Variants in ADD3 observed in about 807,000 individuals in gnomAD.
The protein encoded by ADD3 is adducin 3.
A neutral mutation model predicts 80.2 loss-of-function variants in ADD3; 25 were observed. The observed-to-expected ratio is 0.31, with a 90% confidence interval of 0.23 to 0.44. The LOEUF is 0.44. Among genes scored for constraint, ADD3 ranks in the 20% least tolerant of loss-of-function variants. The pLI, the probability that ADD3 is intolerant of heterozygous loss-of-function variation, is 1.00. For synonymous variants in ADD3, 284 were observed against 289.6 expected, an observed-to-expected ratio of 0.98 and a Z score of 0.20; for missense variants, 829 against 847.5, an observed-to-expected ratio of 0.98 and a Z score of 0.27.
At chr10:110,085,077 C>A (rs79737814) in intron 1 of ADD3, among the ~76,000 whole-genome samples, 2,233 of 152,114 alleles carry the variant, frequency 0.015, 50 homozygotes, top group African/African-American at 0.049. Context: ...TTAATTCCCC[C>A]CCATTTTTTG....
chr10:110,023,775 T>G (rs1219398049), intron 1 of ADD3, among the ~76,000 whole-genome samples: 1 of 152,240 alleles, frequency 6.6e-6, no homozygotes, highest in Non-Finnish European at 1.5e-5. Context: ...ATTTATGAAT[T>G]TGGAAGTGGT....
At chr10:110,132,709 C>G (rs1434791503) in intron 14 of ADD3, 1 of 253,222 alleles carries the variant, frequency 3.9e-6, no homozygotes, top group African/African-American at 2.3e-5. Flanking sequence ...AGGTGGATCA[C>G]GAGGTCAGGA....
chr10:110,083,582 T>A (rs1473255271), intron 1 of ADD3, among the ~76,000 whole-genome samples: 4 of 152,146 alleles, frequency 2.6e-5, no homozygotes, highest in Non-Finnish European at 5.9e-5. Flanking sequence ...GGCTTTTTTT[T>A]AGGAAGAGTC....
chr10:110,035,655 G>A (rs956819895), intron 1 of ADD3, among the ~76,000 whole-genome samples: 2 of 152,166 alleles, frequency 1.3e-5, no homozygotes, highest in African/African-American at 4.8e-5. Flanking sequence ...TGCATTGGAA[G>A]CACCTGGAGG....
At chr10:110,121,534 A>T (rs1369554445) in intron 8 of ADD3, among the ~76,000 whole-genome samples, 2 of 152,180 alleles carry the variant, frequency 1.3e-5, no homozygotes, top group Non-Finnish European at 2.9e-5. Context: ...AAATGGTAAT[A>T]ATCTTAATTT....
At chr10:110,051,895 T>C (rs570147718) in intron 1 of ADD3, among the ~76,000 whole-genome samples, 3 of 152,310 alleles carry the variant, frequency 2.0e-5, no homozygotes, top group Admixed American at 6.5e-5. Context: ...CTCAACCTCC[T>C]GGGTTCAAGC....
chr10:110,125,427 T>A (rs933782034), intron 10 of ADD3, among the ~76,000 whole-genome samples: 4 of 136,486 alleles, frequency 2.9e-5, no homozygotes, highest in African/African-American at 1.4e-4. Context: ...AGATATTTCT[T>A]AAGTTTTTTT....
chr10:110,111,788 C>G (rs1423493195), intron 2 of ADD3, among the ~76,000 whole-genome samples: 1 of 152,040 alleles, frequency 6.6e-6, no homozygotes, highest in Non-Finnish European at 1.5e-5. Flanking sequence ...TGGCGCATGC[C>G]TGTAATCCCA....
intron 1 of ADD3, among the ~76,000 whole-genome samples, chr10:110,021,465 T>G (rs1038490270): frequency 1.3e-5 from 2 of 152,216 alleles, no homozygotes; most frequent in Non-Finnish European, 2.9e-5. Flanking sequence ...AAACAACCCA[T>G]ATGCCTATCA....
chr10:110,124,062 A>C lies in ADD3; in HGVS notation c.1189A>C (p.Lys397Gln). The change falls in exon 10 of 15, where the codon AAG (lysine) becomes CAG (glutamine). Residue 397 changes from lysine to glutamine, a missense_variant. Physicochemically the swap from Lys to Gln is moderately conservative, Grantham distance 53. Coordinates refer to ENST00000356080, the MANE Select transcript of ADD3 (RefSeq NM_016824.5). Reference sequence around the variant, plus strand: ...TTACAGGCATCCTCTCATTCGAGAGAAGCCTAGGCACAAGAGTGATGTGGA... The same window carrying C: ...TTACAGGCATCCTCTCATTCGAGAGCAGCCTAGGCACAAGAGTGATGTGGA... ...YAYRHPLIRE[K>Q]PRHKSDVEIP... is the part of the protein sequence containing the mutation. 6 of 1,614,170 alleles carry C rather than the reference A, an allele frequency of 3.7e-6. No homozygotes were observed. Among genetic ancestry groups the C allele is most frequent in the Non-Finnish European group, 5.1e-6 (6 of 1,179,996 alleles).
rs1446700995 is a variant in ADD3 at position 110,130,835 on chromosome 10, G to A, written c.1732+349G>A. On this transcript the variant is annotated intron_variant, in intron 13 of 14. Transcript: ENST00000356080. ...CGCACCACTGCACTGCAGCCTGGGC[G>A]ACAGAGAGAGACTCCGTCTCAAAAA... Among the ~76,000 whole-genome samples the A allele has an allele frequency of 2.0e-5, 3 of 148,110 alleles. No homozygotes were observed. The Admixed American group carries it at 2.0e-4, about 10-fold the overall frequency.
chr10:110,081,607 C>CT (rs751762516), intron 1 of ADD3, among the ~76,000 whole-genome samples: 3 of 152,186 alleles, frequency 2.0e-5, no homozygotes, highest in South Asian at 2.1e-4. Context: ...TAATTGAACT[C>CT]TAAGTAATGC....
At chr10:110,107,814 A>G (rs1365762820) in intron 2 of ADD3, among the ~76,000 whole-genome samples, 1 of 152,172 alleles carries the variant, frequency 6.6e-6, no homozygotes, top group African/African-American at 2.4e-5. Context: ...TGGAAATTAT[A>G]TATTTATTGC....
chr10:110,103,049 T>A (rs1297734579), intron 2 of ADD3, among the ~76,000 whole-genome samples: 1 of 152,224 alleles, frequency 6.6e-6, no homozygotes, highest in East Asian at 1.9e-4. Context: ...TTTAAAAGAA[T>A]TAAAAGTTGA....
chr10:110,104,116 T>C (rs1436667586), intron 2 of ADD3, among the ~76,000 whole-genome samples: 1 of 152,204 alleles, frequency 6.6e-6, no homozygotes, highest in African/African-American at 2.4e-5. Context: ...ATTCATGTTA[T>C]CTGCTCCCCA....
intron 1 of ADD3, among the ~76,000 whole-genome samples, chr10:110,012,569 AG>A (rs1008761410): frequency 6.6e-6 from 1 of 152,230 alleles, no homozygotes; most frequent in Non-Finnish European, 1.5e-5. Context: ...AGAGTTGTCT[AG>A]CATAATCCAA....
At chr10:110,121,528 G>T (rs1851498798) in intron 8 of ADD3, among the ~76,000 whole-genome samples, 1 of 152,022 alleles carries the variant, frequency 6.6e-6, no homozygotes, top group African/African-American at 2.4e-5. Flanking sequence ...TGAAGCAAAT[G>T]GTAATAATCT....
At chr10:110,111,036 G>C (rs1421271842) in intron 2 of ADD3, among the ~76,000 whole-genome samples, 1 of 152,026 alleles carries the variant, frequency 6.6e-6, no homozygotes, top group African/African-American at 2.4e-5. Flanking sequence ...CTCTCAGAAA[G>C]GCTCCATCTA....
chr10:110,024,111 CA>C (rs1854002771), intron 1 of ADD3, among the ~76,000 whole-genome samples: 1 of 152,170 alleles, frequency 6.6e-6, no homozygotes, highest in African/African-American at 2.4e-5. Context: ...ACCTCAGCAT[CA>C]CACAATATAC....
Sources: gnomAD v4.1 joint callset for allele counts (sites outside exome capture counted in the v4.1 genomes callset) on GRCh38, gnomAD v4.1.1 for gene constraint, MANE v1.5 for transcripts, NCBI Gene and HGNC (gene_info 2026-07-23, HGNC 2026-07-21) for gene names.